NOX4: variants seen among roughly 807,000 people sequenced by gnomAD.
NOX4 encodes kidney oxidase-1.
In NOX4, 69 loss-of-function variants were observed where a neutral mutation model predicts 87.6. That is an observed-to-expected ratio of 0.79 (90% CI 0.65 to 0.96). The LOEUF (loss-of-function observed/expected upper bound fraction) is 0.96, where lower values mean the gene tolerates loss of function less well. Among genes scored for constraint, NOX4 ranks in the 40% least tolerant of loss-of-function variants. NOX4 has a pLI of 0.00. For synonymous variants in NOX4, 275 were observed against 238.2 expected (o/e 1.15, Z -1.42); for missense variants, 680 against 681.5 (o/e 1.00, Z 0.02).
At chr11:89,473,379 C>T (rs1357526062) in intron 2 of NOX4, among the ~76,000 whole-genome samples, 1 of 152,010 alleles carries the variant, frequency 6.6e-6, no homozygotes, top group Non-Finnish European at 1.5e-5. Context: ...TTGCCTCATT[C>T]CTCTTTATCT....
chr11:89,347,448 T>C (rs11018586), intron 13 of NOX4, among the ~76,000 whole-genome samples: 17,260 of 152,254 alleles, frequency 0.11, 2,377 homozygotes, highest in African/African-American at 0.33. Context: ...CAGGTGCTTT[T>C]TATAATTTTA....
chr11:89,354,849 T>C lies in NOX4; in HGVS notation c.1217+113A>G, dbSNP rs1159153712. The C allele has an allele frequency of 1.3e-5, 8 of 615,134 alleles. No homozygotes were observed. The Admixed American group carries it at 2.2e-4, about 17-fold the overall frequency. 38.1% of individuals were successfully genotyped at this position (615,134 alleles called of 1,614,324 possible). ...TGTCTTAGTTAGTTAGGGTAAGTTA[T>C]TCAAGATTTTCAGAAATCTTAAGAA... On this transcript the variant is annotated intron_variant, in intron 13 of 17. Transcript: ENST00000263317.
At chr11:89,331,404 C>T (rs577114281) in intron 17 of NOX4, among the ~76,000 whole-genome samples, 5 of 151,452 alleles carry the variant, frequency 3.3e-5, no homozygotes, top group Non-Finnish European at 7.4e-5. Context: ...CCTATGTTTC[C>T]ATTTTAAGAA....
the NOX4 span, among the ~76,000 whole-genome samples, chr11:89,541,864 G>C: frequency 6.6e-6 from 1 of 152,098 alleles, no homozygotes; most frequent in Non-Finnish European, 1.5e-5. Flanking sequence ...ATGTCACCCA[G>C]GCTAGAATGC....
the NOX4 span, among the ~76,000 whole-genome samples, chr11:89,572,227 T>A: frequency 1.3e-5 from 2 of 152,234 alleles, no homozygotes; most frequent in African/African-American, 4.8e-5. Flanking sequence ...ACTTTCTAAA[T>A]TGATTGAGAC....
chr11:89,432,127 C>T (rs907110672), intron 7 of NOX4, among the ~76,000 whole-genome samples: 2 of 151,996 alleles, frequency 1.3e-5, no homozygotes, highest in Non-Finnish European at 2.9e-5. Context: ...CACATGTTCT[C>T]ACTCATAGGT....
the NOX4 span, among the ~76,000 whole-genome samples, chr11:89,552,121 T>C: frequency 0.38 from 58,036 of 151,996 alleles, 11,357 homozygotes; most frequent in African/African-American, 0.46. Flanking sequence ...CATTAAACTG[T>C]AAAGTTAATT....
chr11:89,563,923 C>A, the NOX4 span, among the ~76,000 whole-genome samples: 3 of 151,808 alleles, frequency 2.0e-5, no homozygotes, highest in Non-Finnish European at 4.4e-5. Flanking sequence ...AAAACAAAAG[C>A]CTTCAATTTT....
intron 11 of NOX4, among the ~76,000 whole-genome samples, chr11:89,381,431 C>T (rs1348796804): frequency 6.6e-6 from 1 of 152,094 alleles, no homozygotes; most frequent in Non-Finnish European, 1.5e-5. Flanking sequence ...ATTCCTTCTC[C>T]TGGCCCAAAA....
At chr11:89,483,380 TG>T (rs1946470423) in intron 2 of NOX4, among the ~76,000 whole-genome samples, 1 of 151,976 alleles carries the variant, frequency 6.6e-6, no homozygotes, top group Non-Finnish European at 1.5e-5. Context: ...AAAGAAAACA[TG>T]GTATGTATAC....
At chr11:89,562,474 C>T in the NOX4 span, among the ~76,000 whole-genome samples, 1 of 151,978 alleles carries the variant, frequency 6.6e-6, no homozygotes, top group South Asian at 2.1e-4. Flanking sequence ...ATATAAGTAA[C>T]CTGCCCGTAT....
intron 11 of NOX4, among the ~76,000 whole-genome samples, chr11:89,382,629 T>A (rs1940374999): frequency 6.6e-6 from 1 of 151,768 alleles, no homozygotes; most frequent in East Asian, 1.9e-4. Context: ...TCTCCCCTCC[T>A]CCCAAGACTG....
At chr11:89,349,686 G>A (rs561220740) in intron 13 of NOX4, among the ~76,000 whole-genome samples, 28 of 152,290 alleles carry the variant, frequency 1.8e-4, no homozygotes, top group Admixed American at 1.5e-3. Context: ...CCGATATTAG[G>A]AAGCTCAGAG....
the NOX4 span, among the ~76,000 whole-genome samples, chr11:89,558,090 G>T: frequency 6.6e-6 from 1 of 152,054 alleles, no homozygotes; most frequent in Non-Finnish European, 1.5e-5. Flanking sequence ...GCATTTGGAG[G>T]CCAGTAGTCT....
At chr11:89,426,505 A>T (rs1943424056) in intron 7 of NOX4, among the ~76,000 whole-genome samples, 1 of 151,978 alleles carries the variant, frequency 6.6e-6, no homozygotes, top group African/African-American at 2.4e-5. Context: ...GCACCTGGAA[A>T]ATTGGGTCAC....
chr11:89,368,987 T>A (rs1315189489), intron 12 of NOX4, among the ~76,000 whole-genome samples: 1 of 152,128 alleles, frequency 6.6e-6, no homozygotes, highest in Non-Finnish European at 1.5e-5. Context: ...TCTCTTAAAC[T>A]TTTTTAAGAT....
chr11:89,501,756 T>C (rs1220577076), upstream of NOX4, among the ~76,000 whole-genome samples: 2 of 151,918 alleles, frequency 1.3e-5, no homozygotes, highest in African/African-American at 2.4e-5. Flanking sequence ...CAGGGGGCAA[T>C]GGACGAAGAA....
At chr11:89,386,534 C>T (rs1940711035) in intron 11 of NOX4, among the ~76,000 whole-genome samples, 2 of 152,134 alleles carry the variant, frequency 1.3e-5, no homozygotes, top group Non-Finnish European at 2.9e-5. Flanking sequence ...TTATGCCACA[C>T]TCTACCTCTC....
intron 7 of NOX4, among the ~76,000 whole-genome samples, chr11:89,431,961 T>A (rs544781128): frequency 6.6e-6 from 1 of 152,112 alleles, no homozygotes; most frequent in Non-Finnish European, 1.5e-5. Context: ...CAAATGTCCA[T>A]CAATGATAGA....
Sources: allele counts gnomAD v4.1 joint callset (sites outside exome capture counted in the v4.1 genomes callset), GRCh38; gene constraint gnomAD v4.1.1; transcripts MANE v1.5; gene names NCBI Gene and HGNC (gene_info 2026-07-23, HGNC 2026-07-21).